The following FERRY3 variants were observed in gnomAD, a reference collection of about 807,000 sequenced individuals.
FERRY3 encodes protein C12orf4.
chr12:4,536,128 T>C, the FERRY3 span: 3 of 1,605,626 alleles, frequency 1.9e-6, no homozygotes, highest in East Asian at 6.7e-5. Context: ...AAGCACTGAC[T>C]TCCTACTTTA....
At chr12:4,497,453 A>T in the FERRY3 span, among the ~76,000 whole-genome samples, 1 of 152,188 alleles carries the variant, frequency 6.6e-6, no homozygotes, top group African/African-American at 2.4e-5. Context: ...TCAGTCTATG[A>T]AAAGTTGAGC....
the FERRY3 span, among the ~76,000 whole-genome samples, chr12:4,515,489 G>T: frequency 6.6e-6 from 1 of 152,306 alleles, no homozygotes; most frequent in South Asian, 2.1e-4. Context: ...CCTGCCATTT[G>T]TAACAACATG....
At chr12:4,502,141 A>C in the FERRY3 span, among the ~76,000 whole-genome samples, 9 of 152,134 alleles carry the variant, frequency 5.9e-5, no homozygotes. This position sits in a 1 kb window ranked among gnomAD's most constrained non-coding sequence, Gnocchi z 4.2. Context: ...TATCCTATGT[A>C]CTAGTGGTCT....
At chr12:4,510,707 T>G in the FERRY3 span, among the ~76,000 whole-genome samples, 3 of 148,970 alleles carry the variant, frequency 2.0e-5, no homozygotes, top group Non-Finnish European at 4.5e-5. Context: ...AGAGATTTTG[T>G]CACCACCAGG....
chr12:4,519,784 G>A, the FERRY3 span, among the ~76,000 whole-genome samples: 3 of 152,286 alleles, frequency 2.0e-5, no homozygotes, highest in East Asian at 1.9e-4. This position sits in a 1 kb window ranked among gnomAD's most constrained non-coding sequence, Gnocchi z 4.3. Flanking sequence ...TCATAGGAGC[G>A]TGAACTGTAT....
the FERRY3 span, among the ~76,000 whole-genome samples, chr12:4,534,887 T>C: frequency 6.6e-6 from 1 of 152,224 alleles, no homozygotes; most frequent in South Asian, 2.1e-4. Context: ...TAATGTTACT[T>C]TCTTAAGCCT....
chr12:4,498,527 A>G, the FERRY3 span, among the ~76,000 whole-genome samples: 1 of 152,256 alleles, frequency 6.6e-6, no homozygotes, highest in South Asian at 2.1e-4. Context: ...TGAAGCTTTC[A>G]TAGGATAGTA....
the FERRY3 span, among the ~76,000 whole-genome samples, chr12:4,509,526 T>C: frequency 1.3e-5 from 2 of 149,182 alleles, no homozygotes; most frequent in Non-Finnish European, 2.9e-5. Flanking sequence ...GAGCACTGGT[T>C]CTCCCAGCAC....
chr12:4,514,131 A>C, the FERRY3 span, among the ~76,000 whole-genome samples: 4 of 151,730 alleles, frequency 2.6e-5, no homozygotes, highest in African/African-American at 9.7e-5. Flanking sequence ...GCAGCCAAAA[A>C]ACACATGAAA....
the FERRY3 span, chr12:4,508,762 TA>T: frequency 6.7e-6 from 1 of 150,134 alleles, no homozygotes; most frequent in Non-Finnish European, 1.5e-5. Context: ...AAAGGAGAAA[TA>T]ATAAAATACT....
At chr12:4,509,597 C>T in the FERRY3 span, among the ~76,000 whole-genome samples, 1 of 146,378 alleles carries the variant, frequency 6.8e-6, no homozygotes, top group Non-Finnish European at 1.5e-5. Flanking sequence ...ACCCCTGACC[C>T]CCGAGCAGCC....
the FERRY3 span, chr12:4,505,169 G>C: frequency 3.1e-6 from 2 of 650,148 alleles, no homozygotes; most frequent in South Asian, 1.7e-5. Context: ...TATTATATAG[G>C]TACAAAGTGT....
At chr12:4,489,731 G>C in the FERRY3 span, 52 of 1,063,394 alleles carry the variant, frequency 4.9e-5, no homozygotes, top group Non-Finnish European at 7.2e-5. Context: ...TCTTTTGCTT[G>C]ACAGATTCCC....
At chr12:4,508,832 A>C in the FERRY3 span, 2 of 152,244 alleles carry the variant, frequency 1.3e-5, no homozygotes, top group African/African-American at 4.8e-5. Flanking sequence ...TGATACATGA[A>C]ATATAAGAAA....
At chr12:4,502,635 G>C in the FERRY3 span, among the ~76,000 whole-genome samples, 1 of 152,082 alleles carries the variant, frequency 6.6e-6, no homozygotes, top group Non-Finnish European at 1.5e-5. This position sits in a 1 kb window ranked among gnomAD's most constrained non-coding sequence, Gnocchi z 4.2. Flanking sequence ...AATTCTGCTC[G>C]CCCTTGCAGC....
At chr12:4,534,167 G>C in the FERRY3 span, 2 of 1,603,344 alleles carry the variant, frequency 1.2e-6, no homozygotes, top group Admixed American at 1.7e-5. Flanking sequence ...CTCAGCATAA[G>C]CTTTGGCCCA....
At chr12:4,517,275 G>T in the FERRY3 span, 2 of 1,245,084 alleles carry the variant, frequency 1.6e-6, no homozygotes, top group East Asian at 3.0e-5. Flanking sequence ...AGTAGAAAAA[G>T]AAAATAATAC....
chr12:4,489,563 G>A, the FERRY3 span: 5 of 292,076 alleles, frequency 1.7e-5, no homozygotes, highest in Non-Finnish European at 3.2e-5. Flanking sequence ...AATATTCACA[G>A]GTAACACAGA....
the FERRY3 span, among the ~76,000 whole-genome samples, chr12:4,516,468 T>G: frequency 3.2e-4 from 48 of 152,218 alleles, no homozygotes; most frequent in Non-Finnish European, 5.9e-4. Context: ...TCAACCTGAA[T>G]GCCCATCAAT....
Sources: allele counts gnomAD v4.1 joint callset (sites outside exome capture counted in the v4.1 genomes callset), GRCh38; gene constraint gnomAD v4.1.1; non-coding constraint Gnocchi (gnomAD v3.1); transcripts MANE v1.5; gene names NCBI Gene and HGNC (gene_info 2026-07-23, HGNC 2026-07-21).